FAM222B: variants seen among roughly 807,000 people sequenced by gnomAD.
FAM222B encodes the protein protein FAM222B.
Under a neutral mutation model 38.0 loss-of-function variants are expected in FAM222B, and 12 were observed. The observed-to-expected ratio is 0.32, with a 90% CI of 0.20 to 0.51. The LOEUF is 0.51. FAM222B is among the 20% of genes least tolerant of loss of function. FAM222B has a pLI of 0.97. For missense variants in FAM222B, 716 were observed against 754.2 expected, an observed-to-expected ratio of 0.95 and a Z score of 0.59; for synonymous variants, 329 against 317.2, an observed-to-expected ratio of 1.04 and a Z score of -0.40.
intron 1 of FAM222B, among the ~76,000 whole-genome samples, chr17:28,807,400 C>A (rs899608413): frequency 2.7e-5 from 4 of 149,908 alleles, no homozygotes; most frequent in Non-Finnish European, 5.9e-5. Flanking sequence ...GTTTGTTTTG[C>A]TTTTATGTGG....
chr17:28,807,998 C>A (rs561770693), intron 1 of FAM222B, among the ~76,000 whole-genome samples: 2 of 152,292 alleles, frequency 1.3e-5, no homozygotes, highest in Admixed American at 6.5e-5. Context: ...GTAATTAATT[C>A]AGTGGACTCT....
At chr17:28,819,851 C>T (rs2038150958) in intron 1 of FAM222B, among the ~76,000 whole-genome samples, 1 of 152,178 alleles carries the variant, frequency 6.6e-6, no homozygotes, top group African/African-American at 2.4e-5. Context: ...GAAAGCATGT[C>T]ATTCAAGGAC....
At position 28,756,030 on chromosome 17, in the gene FAM222B, A is replaced by G. The variant is rs1477355709; in HGVS notation, c.*2240T>C. Reference sequence around the variant, plus strand: ...ATAATAATCTTAAAAACCCCATCACACCCATAAACCACCACAGGTGAGGTG... The same window carrying G: ...ATAATAATCTTAAAAACCCCATCACGCCCATAAACCACCACAGGTGAGGTG... On this transcript the variant is annotated 3_prime_UTR_variant, in exon 3 of 3. Coordinates refer to ENST00000581407, the MANE Select transcript of FAM222B (RefSeq NM_001077498.3). 1 of 152,572 alleles carries G rather than the reference A, an allele frequency of 6.6e-6. No homozygotes were observed. The highest frequency in any genetic ancestry group is 2.4e-5 in the African/African-American group (1 of 41,444). 9.5% of individuals were successfully genotyped at this position (152,572 alleles called of 1,614,324 possible). A position where few individuals can be genotyped will look rare whatever the true frequency, so the allele number is the denominator to read the frequency against.
At chr17:28,837,646 G>A (rs1404431707) in intron 1 of FAM222B, among the ~76,000 whole-genome samples, 2 of 140,146 alleles carry the variant, frequency 1.4e-5, no homozygotes, top group Non-Finnish European at 3.1e-5. Flanking sequence ...ACTTCTTTTT[G>A]TTTTTTTTTT....
rs115181653 is a variant in FAM222B, at chr17:28,837,141, A to G, written c.-41+5541T>C. On this transcript the variant is annotated intron_variant, in intron 1 of 2. Transcript: ENST00000581407. Reference sequence around the variant, plus strand: ...CAAAAAGTAAATAAATAAATACATAAATTTAAAGGCCAGGTGCGGTGGCTC... The same window carrying G: ...CAAAAAGTAAATAAATAAATACATAGATTTAAAGGCCAGGTGCGGTGGCTC... Among the ~76,000 whole-genome samples, 748 of 151,340 alleles carry G rather than the reference A, an allele frequency of 4.9e-3. 4 individuals carry two copies. Among genetic ancestry groups the G allele is most frequent in the African/African-American group, 0.017 (701 of 41,276 alleles).
At chr17:28,762,518 T>C (rs1435985346) in intron 2 of FAM222B, among the ~76,000 whole-genome samples, 3 of 150,162 alleles carry the variant, frequency 2.0e-5, no homozygotes, top group Non-Finnish European at 4.4e-5. Context: ...TCCCAGCTAC[T>C]TGGGAGGCTG....
chr17:28,780,849 T>G (rs923355437), intron 1 of FAM222B, among the ~76,000 whole-genome samples: 1 of 151,126 alleles, frequency 6.6e-6, no homozygotes, highest in Non-Finnish European at 1.5e-5. Flanking sequence ...ACCATTGGAC[T>G]CCAACCTGGA....
chr17:28,762,933 G>A (rs1413807265), intron 2 of FAM222B, among the ~76,000 whole-genome samples: 4 of 146,306 alleles, frequency 2.7e-5, no homozygotes, highest in Admixed American at 6.9e-5. Flanking sequence ...GTAAGACTCC[G>A]TCTCAAAAAA....
At chr17:28,843,429 G>A (rs528542696), upstream of FAM222B, among the ~76,000 whole-genome samples, 1 of 144,908 alleles carries the variant, frequency 6.9e-6, no homozygotes, top group East Asian at 2.0e-4. Context: ...GAGCCACCGC[G>A]CCCAGCCTGG....
At chr17:28,800,647 T>C (rs2037173219) in intron 1 of FAM222B, among the ~76,000 whole-genome samples, 2 of 152,098 alleles carry the variant, frequency 1.3e-5, no homozygotes, top group Non-Finnish European at 2.9e-5. Flanking sequence ...TCAAAGGACT[T>C]TTCTTAAAAT....
In FAM222B at chr17:28,822,802, C is replaced by CAAA. The variant is rs71135859; in HGVS notation, c.-41+19877_-41+19879dup. On this transcript the variant is annotated intron_variant, in intron 1 of 2. Coordinates refer to ENST00000581407, the MANE Select transcript of FAM222B (RefSeq NM_001077498.3). ...TGGGCGATAGAGCAAGACTCCATCT[C>CAAA]AAAAAAAAAAAAAAAAAAAAAAAAA... is the stretch of plus-strand genomic sequence containing the variant. 2.6e-3 allele frequency among the ~76,000 whole-genome samples: 26 copies of CAAA among 9,882 alleles called. 2 individuals carry two copies. The highest frequency in any genetic ancestry group is 4.0e-3 in the African/African-American group (12 of 2,978). 6.5% of individuals were successfully genotyped at this position (9,882 alleles called of 152,430 possible).
At chr17:28,812,409 C>G (rs1315084052) in intron 1 of FAM222B, 2 of 152,400 alleles carry the variant, frequency 1.3e-5, no homozygotes, top group East Asian at 3.9e-4. Flanking sequence ...CTCCGCGGTG[C>G]GCCGACACCC....
intron 2 of FAM222B, among the ~76,000 whole-genome samples, chr17:28,763,140 T>A (rs572543789): frequency 6.6e-6 from 1 of 152,122 alleles, no homozygotes; most frequent in Non-Finnish European, 1.5e-5. Flanking sequence ...AAATCTGTAG[T>A]TTGTAAAGGG....
intron 1 of FAM222B, 120 bp from the exon 2 acceptor site, chr17:28,766,827 C>A: frequency 1.7e-6 from 1 of 589,060 alleles, no homozygotes; most frequent in Non-Finnish European, 3.0e-6. Context: ...ATTTAATTAG[C>A]AGTGTGTTGG....
At chr17:28,776,375 CAAAAAAAAAA>C (rs35900323) in intron 1 of FAM222B, among the ~76,000 whole-genome samples, 2 of 62,454 alleles carry the variant, frequency 3.2e-5, no homozygotes, top group South Asian at 1.3e-3. Context: ...GACTCCGTCT[CAAAAAAAAAA>C]AAAAAAAAAA....
chr17:28,850,425 C>T (rs1319421959), intron 1 of FAM222B, among the ~76,000 whole-genome samples: 1 of 151,998 alleles, frequency 6.6e-6, no homozygotes, highest in Non-Finnish European at 1.5e-5. Flanking sequence ...CCTCAGCCTC[C>T]CAAGTAGCTG....
intron 1 of FAM222B, among the ~76,000 whole-genome samples, chr17:28,792,276 C>T (rs1044658940): frequency 2.0e-5 from 3 of 147,870 alleles, no homozygotes; most frequent in Non-Finnish European, 4.5e-5. Context: ...TGCGCCACTG[C>T]ACTCCTGCCT....
chr17:28,769,919 T>C (rs2151797379), intron 1 of FAM222B, among the ~76,000 whole-genome samples: 1 of 152,312 alleles, frequency 6.6e-6, no homozygotes, highest in East Asian at 1.9e-4. Flanking sequence ...TCATTCAGGT[T>C]TCTGCTTAAA....
At chr17:28,783,007 G>A (rs1175680703) in intron 1 of FAM222B, among the ~76,000 whole-genome samples, 1 of 151,068 alleles carries the variant, frequency 6.6e-6, no homozygotes, top group Non-Finnish European at 1.5e-5. Context: ...GTGAGGCGGT[G>A]GGTGCCTGTA....
Sources: gnomAD v4.1 joint callset for allele counts (sites outside exome capture counted in the v4.1 genomes callset) on GRCh38, gnomAD v4.1.1 for gene constraint, MANE v1.5 for transcripts, NCBI Gene and HGNC (gene_info 2026-07-23, HGNC 2026-07-21) for gene names.